L3MBTL4: variants seen among roughly 807,000 people sequenced by gnomAD.
L3MBTL4 encodes the protein lethal(3)malignant brain tumor-like protein 4.
Under a neutral mutation model 84.5 loss-of-function variants are expected in L3MBTL4, and 70 were observed. The ratio of observed to expected loss-of-function variants is 0.83; its 90% confidence interval spans 0.68 to 1.01. The LOEUF is 1.01. Among genes scored for constraint, L3MBTL4 ranks in the 50% least tolerant of loss-of-function variants. L3MBTL4 has a pLI of 0.00. For missense variants in L3MBTL4, 715 were observed against 754.8 expected, an observed-to-expected ratio of 0.95 and a Z score of 0.62; for synonymous variants, 274 against 259.8, an observed-to-expected ratio of 1.05 and a Z score of -0.52.
At chr18:6,185,767 G>C (rs972795710) in intron 12 of L3MBTL4, among the ~76,000 whole-genome samples, 1 of 152,130 alleles carries the variant, frequency 6.6e-6, no homozygotes, top group Non-Finnish European at 1.5e-5. Flanking sequence ...TCAAGACCGA[G>C]TGGTAAAGAG....
intron 14 of L3MBTL4, among the ~76,000 whole-genome samples, chr18:6,126,244 G>A (rs28660262): frequency 0.016 from 2,410 of 151,954 alleles, 68 homozygotes; most frequent in African/African-American, 0.056. Flanking sequence ...CTAAATTTTC[G>A]GTATTGACCA....
chr18:6,109,159 G>T (rs1175725335), intron 14 of L3MBTL4, among the ~76,000 whole-genome samples: 1 of 152,176 alleles, frequency 6.6e-6, no homozygotes, highest in Non-Finnish European at 1.5e-5. Context: ...ATAACATGCA[G>T]TCTCTTTCTC....
Position 6,289,265 on chromosome 18 carries a change from T to C in L3MBTL4, c.127+12638A>G, listed in dbSNP as rs569324559. On this transcript the variant is annotated intron_variant, in intron 4 of 18. Transcript: ENST00000317931. The stretch of plus-strand genomic sequence containing the variant: ...GAAAAATTTGCTTGTTTTTCTAAAA[T>C]TTCTAAAAATTAAATGTTAGTGTGA... 2.0e-5 allele frequency among the ~76,000 whole-genome samples: 3 copies of C among 152,296 alleles called. No homozygotes were observed. In the East Asian group the frequency reaches 5.8e-4, roughly 29 times the overall value.
intron 16 of L3MBTL4, among the ~76,000 whole-genome samples, chr18:6,041,618 C>A (rs757660736): frequency 5.3e-5 from 8 of 152,166 alleles, no homozygotes; most frequent in Non-Finnish European, 8.8e-5. Flanking sequence ...AACGTGTCCA[C>A]AAATGGTTCC....
chr18:6,364,933 G>A (rs1421956341), intron 1 of L3MBTL4, among the ~76,000 whole-genome samples: 2 of 151,818 alleles, frequency 1.3e-5, no homozygotes, highest in Non-Finnish European at 2.9e-5. Context: ...AAAAAGACTA[G>A]TAACCAAGAA....
chr18:6,136,029 G>A (rs2060016857), intron 14 of L3MBTL4, among the ~76,000 whole-genome samples: 1 of 152,304 alleles, frequency 6.6e-6, no homozygotes, highest in East Asian at 1.9e-4. Context: ...CATCTTACAT[G>A]GTGGCAGCAA....
At chr18:6,013,131 C>T (rs962339621) in intron 16 of L3MBTL4, among the ~76,000 whole-genome samples, 3 of 152,172 alleles carry the variant, frequency 2.0e-5, no homozygotes, top group Non-Finnish European at 2.9e-5. Context: ...TGCAGGGTCC[C>T]TGTAGGTCCA....
intron 16 of L3MBTL4, among the ~76,000 whole-genome samples, chr18:6,000,228 T>A (rs776527994): frequency 1.3e-5 from 2 of 152,054 alleles, no homozygotes; most frequent in African/African-American, 4.8e-5. Context: ...ACTGAGGAGA[T>A]GAAAGAGTGA....
intron 16 of L3MBTL4, among the ~76,000 whole-genome samples, chr18:6,048,516 G>A (rs1349928455): frequency 6.6e-6 from 1 of 152,036 alleles, no homozygotes; most frequent in Non-Finnish European, 1.5e-5. Context: ...AATAGCATTG[G>A]CTGGGCATGG....
intron 4 of L3MBTL4, among the ~76,000 whole-genome samples, chr18:6,266,029 C>T (rs928109423): frequency 6.6e-6 from 1 of 152,118 alleles, no homozygotes; most frequent in African/African-American, 2.4e-5. Flanking sequence ...TTGATATAAT[C>T]ATTCCACAAG....
chr18:6,371,691 C>T (rs1003996715), intron 1 of L3MBTL4, among the ~76,000 whole-genome samples: 1 of 152,150 alleles, frequency 6.6e-6, no homozygotes, highest in Non-Finnish European at 1.5e-5. Context: ...AGAGAACTTT[C>T]CTAATTTAGC....
At chr18:6,222,850 T>C (rs532120908) in intron 10 of L3MBTL4, among the ~76,000 whole-genome samples, 2 of 151,716 alleles carry the variant, frequency 1.3e-5, no homozygotes, top group Admixed American at 1.3e-4. Flanking sequence ...ACTAGCACAG[T>C]TCCATTTAAA....
At chr18:6,365,362 A>G (rs536998006) in intron 1 of L3MBTL4, among the ~76,000 whole-genome samples, 2 of 152,230 alleles carry the variant, frequency 1.3e-5, no homozygotes, top group Non-Finnish European at 2.9e-5. Context: ...GCTTTGTGAC[A>G]TAAAGACATA....
At chr18:6,117,460 G>A (rs182972327) in intron 14 of L3MBTL4, among the ~76,000 whole-genome samples, 4 of 152,322 alleles carry the variant, frequency 2.6e-5, no homozygotes, top group Admixed American at 2.0e-4. Context: ...ACGGCTCTAA[G>A]CTGCCAACAG....
At chr18:6,049,762 G>A (rs1251956721) in intron 16 of L3MBTL4, among the ~76,000 whole-genome samples, 1 of 152,096 alleles carries the variant, frequency 6.6e-6, no homozygotes, top group Non-Finnish European at 1.5e-5. Context: ...CTAACTATTG[G>A]GTGTTATGTT....
chr18:6,097,076 C>T (rs1422853924), intron 14 of L3MBTL4, among the ~76,000 whole-genome samples: 2 of 152,162 alleles, frequency 1.3e-5, no homozygotes, highest in African/African-American at 4.8e-5. Context: ...CACAAAATTG[C>T]AGTTTTTAAA....
intron 16 of L3MBTL4, among the ~76,000 whole-genome samples, chr18:5,977,162 G>T (rs576041606): frequency 6.6e-6 from 1 of 152,150 alleles, no homozygotes; most frequent in Non-Finnish European, 1.5e-5. Context: ...CAGCCCCACT[G>T]CCTGCTCCAC....
intron 16 of L3MBTL4, among the ~76,000 whole-genome samples, chr18:6,060,931 C>T (rs1458522182): frequency 1.3e-5 from 2 of 152,050 alleles, no homozygotes; most frequent in African/African-American, 2.4e-5. Flanking sequence ...TGGTTGCTTC[C>T]GGTTTTGACA....
At chr18:6,225,217 C>CA (rs1359661499) in intron 10 of L3MBTL4, among the ~76,000 whole-genome samples, 1 of 152,174 alleles carries the variant, frequency 6.6e-6, no homozygotes, top group Non-Finnish European at 1.5e-5. Flanking sequence ...TAGAGAAACT[C>CA]AAAGTATTTT....
Sources: gnomAD v4.1 joint callset for allele counts (sites outside exome capture counted in the v4.1 genomes callset) on GRCh38, gnomAD v4.1.1 for gene constraint, MANE v1.5 for transcripts, NCBI Gene and HGNC (gene_info 2026-07-23, HGNC 2026-07-21) for gene names.